UBLCP1: variants seen among roughly 807,000 people sequenced by gnomAD.
UBLCP1 encodes ubiquitin like domain containing CTD phosphatase 1.
UBLCP1 carries 28 observed loss-of-function variants against 42.4 expected under a neutral mutation model. The ratio of observed to expected loss-of-function variants is 0.66; its 90% CI spans 0.49 to 0.90. The LOEUF (loss-of-function observed/expected upper bound fraction) is 0.90. Among genes scored for constraint, UBLCP1 ranks in the 40% least tolerant of loss-of-function variants. The pLI, the probability that UBLCP1 is intolerant of heterozygous loss-of-function variation, is 0.00. For synonymous variants in UBLCP1, 122 were observed against 120.8 expected (o/e 1.01, Z -0.07); for missense variants, 279 against 374.5 (o/e 0.75, Z 2.10).
At position 159,270,512 on chromosome 5, in the gene UBLCP1, A is replaced by G; in HGVS notation, c.333-16A>G. 2.5e-6 allele frequency: 4 copies of G among 1,605,954 alleles called. No individual in the cohort carries two copies. Among genetic ancestry groups the G allele is most frequent in the Non-Finnish European group, 2.6e-6 (3 of 1,175,344 alleles). ...GAACAAGTGAATATTTTATCTAATT[A>G]TATGTTTTCCATTAGGGAAGAAAAC... On this transcript the variant is annotated splice_polypyrimidine_tract_variant and intron_variant, in intron 4 of 10. Coordinates refer to ENST00000296786, the MANE Select transcript of UBLCP1 (RefSeq NM_145049.5).
At chr5:159,284,754 G>T (rs996957486) in intron 10 of UBLCP1, 150 bp from the exon 11 acceptor site, 1 of 768,262 alleles carries the variant, frequency 1.3e-6, no homozygotes, top group South Asian at 1.4e-5. Flanking sequence ...AGAACTGTGC[G>T]TGCACATAAT....
rs1006053334 is a variant in UBLCP1, at chr5:159,283,080, TAA to T, written c.802-129_802-128del. The T allele has an allele frequency of 6.7e-6, 6 of 897,174 alleles. No individual in the cohort carries two copies. The Admixed American group carries it at 2.1e-4, about 32-fold the overall frequency. The allele number at this position is 897,174 out of a possible 1,614,324, so 55.6% of individuals were successfully genotyped here. A position where few individuals can be genotyped will look rare whatever the true frequency, so the allele number is the denominator to read the frequency against. The stretch of plus-strand genomic sequence containing the variant: ...ACATGACTTTCTATTTAGGCTAATA[TAA>T]AAGTAATTTTTAGTATTTATGTTCT... On this transcript the variant is annotated intron_variant, in intron 9 of 10. Coordinates refer to ENST00000296786, the MANE Select transcript of UBLCP1 (RefSeq NM_145049.5).
chr5:159,279,752 T>C (rs898104729), intron 9 of UBLCP1, among the ~76,000 whole-genome samples: 2 of 152,194 alleles, frequency 1.3e-5, no homozygotes, highest in African/African-American at 2.4e-5. Flanking sequence ...TTTCTTAATA[T>C]GTACTGCACC....
intron 9 of UBLCP1, among the ~76,000 whole-genome samples, chr5:159,281,663 T>C (rs1753608300): frequency 6.6e-6 from 1 of 152,190 alleles, no homozygotes; most frequent in Admixed American, 6.5e-5. Context: ...AATTTTCTTC[T>C]GTCCATTTCA....
At chr5:159,276,372 A>G (rs138026354) in intron 8 of UBLCP1, among the ~76,000 whole-genome samples, 6 of 152,348 alleles carry the variant, frequency 3.9e-5, no homozygotes, top group Non-Finnish European at 8.8e-5. Context: ...GGGAGACAGT[A>G]TTAAAATTAT....
At chr5:159,267,521 A>T (rs1753414196) in intron 1 of UBLCP1, among the ~76,000 whole-genome samples, 1 of 152,174 alleles carries the variant, frequency 6.6e-6, no homozygotes, top group Admixed American at 6.5e-5. Context: ...GAAATGAATT[A>T]AGACTTTGGG....
At chr5:159,268,200 T>C (rs182001138) in intron 1 of UBLCP1, among the ~76,000 whole-genome samples, 1 of 152,122 alleles carries the variant, frequency 6.6e-6, no homozygotes, top group East Asian at 1.9e-4. Context: ...AGAATGGCTA[T>C]TTACTATTTA....
chr5:159,268,824 T>C (rs1753428280), intron 1 of UBLCP1, 46 bp from the exon 2 acceptor site: 13 of 1,414,914 alleles, frequency 9.2e-6, no homozygotes, highest in Non-Finnish European at 1.3e-5. Context: ...TTGGCTTCAA[T>C]AAACAGTATC....
At chr5:159,268,186 A>G (rs1004279446) in intron 1 of UBLCP1, among the ~76,000 whole-genome samples, 20 of 151,734 alleles carry the variant, frequency 1.3e-4, no homozygotes, top group Admixed American at 1.2e-3. Flanking sequence ...AAAATATGAA[A>G]CAAAGAATGG....
intron 1 of UBLCP1, among the ~76,000 whole-genome samples, chr5:159,268,510 C>G (rs564824148): frequency 6.6e-6 from 1 of 152,300 alleles, no homozygotes; most frequent in African/African-American, 2.4e-5. Flanking sequence ...CTTAACTACA[C>G]CACACTACCT....
chr5:159,270,121 C>T (rs1693487491), intron 3 of UBLCP1, 122 bp downstream of exon 3: 1 of 915,328 alleles, frequency 1.1e-6, no homozygotes, highest in South Asian at 1.8e-5. Context: ...AAAAATAAAA[C>T]CCGCACCGTG....
intron 2 of UBLCP1, among the ~76,000 whole-genome samples, chr5:159,269,418 C>T (rs1040648013): frequency 5.3e-5 from 8 of 152,200 alleles, no homozygotes; most frequent in African/African-American, 1.9e-4. Context: ...GGGCCTCGTA[C>T]TCTTCCCAAA....
intron 3 of UBLCP1, 131 bp downstream of exon 3, chr5:159,270,130 T>A: frequency 1.3e-6 from 1 of 798,930 alleles, no homozygotes; most frequent in Non-Finnish European, 1.9e-6. Flanking sequence ...ACCCGCACCG[T>A]GAATGTGTTA....
chr5:159,270,633 T>C lies in UBLCP1; in HGVS notation c.438T>C (p.Tyr146=). ...GKKLLVLDVD[Y]TLFDHRSCAE... is the part of the protein sequence containing the mutation. ...AGCTTTTGGTGCTAGATGTTGATTA[T>C]ACATTATTTGGTAAGTCAGTTAAGA... is the stretch of plus-strand genomic sequence containing the variant. Residue 146 remains tyrosine, a synonymous_variant, in exon 5 of 11, where the codon TAT becomes TAC. Coordinates refer to ENST00000296786, the MANE Select transcript of UBLCP1 (RefSeq NM_145049.5). 1.3e-6 allele frequency: 2 copies of C among 1,588,510 alleles called. No homozygotes were observed. The highest frequency in any genetic ancestry group is 1.9e-5 in the Admixed American group (1 of 53,906).
rs149493747 is a variant in UBLCP1, at chr5:159,279,061, G to A, written c.801+707G>A. On this transcript the variant is annotated intron_variant, in intron 9 of 10. Transcript: ENST00000296786. Reference sequence around the variant, plus strand: ...TTCTTTTTAAACTGAAACTAAAGACGTTTTTGAAAATTCCTAGACGGCAAG... The same window carrying A: ...TTCTTTTTAAACTGAAACTAAAGACATTTTTGAAAATTCCTAGACGGCAAG... Among the ~76,000 whole-genome samples, 715 of 152,284 alleles carry A rather than the reference G, an allele frequency of 4.7e-3. 7 individuals carry two copies. The highest frequency in any genetic ancestry group is 0.016 in the African/African-American group (674 of 41,554).
chr5:159,271,636 C>T (rs922475719), intron 5 of UBLCP1, among the ~76,000 whole-genome samples: 1 of 152,070 alleles, frequency 6.6e-6, no homozygotes, highest in Non-Finnish European at 1.5e-5. Flanking sequence ...ATTGGCCTGT[C>T]ATTTTGATGA....
At chr5:159,274,185 T>C (rs1276313323) in intron 6 of UBLCP1, among the ~76,000 whole-genome samples, 1 of 152,190 alleles carries the variant, frequency 6.6e-6, no homozygotes, top group East Asian at 1.9e-4. Context: ...ATGCTTATAT[T>C]GACACTATGT....
chr5:159,284,865 C>T (rs913802951), intron 10 of UBLCP1, 39 bp from the exon 11 acceptor site: 2 of 1,608,942 alleles, frequency 1.2e-6, no homozygotes, highest in Non-Finnish European at 1.7e-6. Context: ...ATGAATTTAG[C>T]ATGATACAGC....
At chr5:159,284,550 G>T (rs1753646795) in intron 10 of UBLCP1, among the ~76,000 whole-genome samples, 6 of 152,142 alleles carry the variant, frequency 3.9e-5, no homozygotes, top group African/African-American at 1.2e-4. Flanking sequence ...TTTCACATTG[G>T]AAGTAAGGCA....
Sources: gnomAD v4.1 joint callset for allele counts (sites outside exome capture counted in the v4.1 genomes callset) on GRCh38, gnomAD v4.1.1 for gene constraint, MANE v1.5 for transcripts, NCBI Gene and HGNC (gene_info 2026-07-23, HGNC 2026-07-21) for gene names.